ANKRD44: variants seen among roughly 807,000 people sequenced by gnomAD.
ANKRD44 encodes ankyrin repeat domain 44.
ANKRD44 carries 35 observed loss-of-function variants against 116.0 expected under a neutral mutation model. That is an observed-to-expected ratio of 0.30 (90% CI 0.23 to 0.40). The LOEUF is 0.40. Among genes scored for constraint, ANKRD44 ranks in the 10% least tolerant of loss-of-function variants. The pLI is 1.00. For synonymous variants in ANKRD44, 435 were observed against 461.8 expected, an observed-to-expected ratio of 0.94 and a Z score of 0.74; for missense variants, 1,014 against 1,242.6, an observed-to-expected ratio of 0.82 and a Z score of 2.77.
chr2:197,234,318 A>C (rs549803331), intron 1 of ANKRD44, among the ~76,000 whole-genome samples: 2 of 151,994 alleles, frequency 1.3e-5, no homozygotes, highest in South Asian at 4.1e-4. Context: ...CAGCCTCCAT[A>C]GTAGCCGGGA....
At position 196,967,298 on chromosome 2, in the gene ANKRD44, T is replaced by C. The variant is rs116838771; in HGVS notation, c.*141A>G. 491 of 362,858 alleles carry C rather than the reference T, an allele frequency of 1.4e-3. 4 individuals carry two copies. The highest frequency in any genetic ancestry group is 9.1e-3 in the African/African-American group (433 of 47,342). The allele number at this position is 362,858 out of a possible 1,614,324, so 22.5% of individuals were successfully genotyped here. Reference sequence around the variant, plus strand: ...AGACAGGCAAGGCGAATCCGGTTACTCCCTTTCCCTTCCCCAACCGCAGCT... The same window carrying C: ...AGACAGGCAAGGCGAATCCGGTTACCCCCTTTCCCTTCCCCAACCGCAGCT... On this transcript the variant is annotated 3_prime_UTR_variant, in exon 22 of 22. Transcript: ENST00000424317.
rs1487150271 is a variant in ANKRD44, at chr2:196,986,780, T to C, written c.*2811A>G. 1.0e-6 allele frequency: 1 copy of C among 985,358 alleles called. No individual in the cohort carries two copies. Among genetic ancestry groups the C allele is most frequent in the African/African-American group, 1.7e-5 (1 of 57,372 alleles). 61.0% of individuals were successfully genotyped at this position (985,358 alleles called of 1,614,324 possible). On this transcript the variant is annotated 3_prime_UTR_variant, in exon 28 of 28. Coordinates refer to ENST00000282272, the MANE Select transcript of ANKRD44 (RefSeq NM_001195144.2). Reference sequence around the variant, plus strand: ...AGAGCATTCAGTAGTTGCAAAAGTATTAAACTGTGCTTGAGAAGATTCAGA... The same window carrying C: ...AGAGCATTCAGTAGTTGCAAAAGTACTAAACTGTGCTTGAGAAGATTCAGA...
At chr2:197,037,605 G>C (rs572848735) in intron 16 of ANKRD44, among the ~76,000 whole-genome samples, 9 of 152,274 alleles carry the variant, frequency 5.9e-5, no homozygotes, top group African/African-American at 1.7e-4. Flanking sequence ...CAAAATCATT[G>C]CTGGTTATTT....
At chr2:197,031,126 AC>A (rs1455351642) in intron 16 of ANKRD44, among the ~76,000 whole-genome samples, 3 of 152,056 alleles carry the variant, frequency 2.0e-5, no homozygotes, top group Admixed American at 6.6e-5. Context: ...CAAGCGGAAA[AC>A]ACATTTTAAA....
At chr2:197,254,616 CACACACACACACACATAT>C (rs2082400111) in intron 1 of ANKRD44, among the ~76,000 whole-genome samples, 1 of 148,724 alleles carries the variant, frequency 6.7e-6, no homozygotes, top group South Asian at 2.1e-4. Context: ...CACACACACA[CACACACACACACACATAT>C]ATATATTTGC....
At chr2:197,012,253 C>T (rs898686303) in intron 18 of ANKRD44, among the ~76,000 whole-genome samples, 1 of 152,202 alleles carries the variant, frequency 6.6e-6, no homozygotes, top group Non-Finnish European at 1.5e-5. Context: ...CACTGGACCA[C>T]AACCCATATC....
At chr2:196,977,745 G>A (rs909926328) in intron 21 of ANKRD44, among the ~76,000 whole-genome samples, 1 of 152,266 alleles carries the variant, frequency 6.6e-6, no homozygotes, top group Middle Eastern at 3.4e-3. Context: ...ATACATTGCT[G>A]ATGGGAATGT....
intron 2 of ANKRD44, among the ~76,000 whole-genome samples, chr2:197,160,158 G>C (rs1443362203): frequency 6.6e-6 from 1 of 151,922 alleles, no homozygotes; most frequent in African/African-American, 2.4e-5. Context: ...CCTCTGCCAC[G>C]TATGAGCTGT....
intron 1 of ANKRD44, among the ~76,000 whole-genome samples, chr2:197,219,524 A>C (rs1052944949): frequency 9.2e-5 from 14 of 152,200 alleles, no homozygotes; most frequent in Admixed American, 6.5e-4. Context: ...GCGTCCAAAA[A>C]AAAATTCCTG....
intron 16 of ANKRD44, among the ~76,000 whole-genome samples, chr2:197,034,050 T>TAGAGAG (rs60018972): frequency 0.022 from 2,431 of 110,630 alleles, 87 homozygotes; most frequent in African/African-American, 0.037. Flanking sequence ...ATATGAGGGC[T>TAGAGAG]AGAGAGAGAG....
intron 1 of ANKRD44, among the ~76,000 whole-genome samples, chr2:197,239,578 A>C (rs1246270573): frequency 6.6e-6 from 1 of 152,224 alleles, no homozygotes; most frequent in African/African-American, 2.4e-5. Flanking sequence ...TTATAAAGAA[A>C]GGAAGATGAT....
chr2:197,176,390 G>T (rs2080364560), intron 2 of ANKRD44, among the ~76,000 whole-genome samples: 1 of 152,046 alleles, frequency 6.6e-6, no homozygotes, highest in African/African-American at 2.4e-5. Context: ...ACCTTATAAA[G>T]TTTATTATGA....
chr2:197,220,397 C>A (rs1035149614), intron 1 of ANKRD44, among the ~76,000 whole-genome samples: 2 of 152,082 alleles, frequency 1.3e-5, no homozygotes, highest in African/African-American at 4.8e-5. Context: ...CTCCATATAA[C>A]GGAAAGGTTT....
intron 4 of ANKRD44, among the ~76,000 whole-genome samples, chr2:197,126,367 T>C (rs2125342853): frequency 6.6e-6 from 1 of 152,284 alleles, no homozygotes; most frequent in African/African-American, 2.4e-5. Context: ...CATACCAGGG[T>C]AAAATAACCA....
At chr2:197,213,300 T>C (rs2081365953) in intron 1 of ANKRD44, among the ~76,000 whole-genome samples, 1 of 152,240 alleles carries the variant, frequency 6.6e-6, no homozygotes, top group Non-Finnish European at 1.5e-5. Context: ...AGTAAGTCTG[T>C]TTAATGTAGA....
At chr2:197,305,353 C>T (rs531378854) in intron 1 of ANKRD44, among the ~76,000 whole-genome samples, 4 of 152,100 alleles carry the variant, frequency 2.6e-5, no homozygotes, top group South Asian at 2.1e-4. Flanking sequence ...GAAATTTCTT[C>T]GGGGGAAAAA....
intron 1 of ANKRD44, among the ~76,000 whole-genome samples, chr2:197,255,871 A>C (rs949509034): frequency 2.0e-5 from 3 of 152,260 alleles, no homozygotes; most frequent in Non-Finnish European, 4.4e-5. Flanking sequence ...GACGTTCACC[A>C]AATAAAGAAA....
chr2:197,149,819 A>G (rs1386293707), intron 2 of ANKRD44, among the ~76,000 whole-genome samples: 3 of 152,224 alleles, frequency 2.0e-5, no homozygotes, highest in East Asian at 3.8e-4. Flanking sequence ...GCCAGGAGGT[A>G]GCACTATGTC....
At chr2:197,048,749 C>T (rs1331297788) in intron 16 of ANKRD44, among the ~76,000 whole-genome samples, 1 of 152,090 alleles carries the variant, frequency 6.6e-6, no homozygotes, top group Non-Finnish European at 1.5e-5. Flanking sequence ...GTTCTAGATC[C>T]TTGAGGAATG....
Sources: gnomAD v4.1 joint callset for allele counts (sites outside exome capture counted in the v4.1 genomes callset) on GRCh38, gnomAD v4.1.1 for gene constraint, MANE v1.5 for transcripts, NCBI Gene and HGNC (gene_info 2026-07-23, HGNC 2026-07-21) for gene names.